The following MMP20 variants were observed in gnomAD, a reference collection of about 807,000 sequenced individuals.
MMP20 encodes matrix metallopeptidase 20, also known as matrix metalloproteinase-20.
In MMP20, 50 loss-of-function variants were observed where a neutral mutation model predicts 51.8. The ratio of observed to expected loss-of-function variants is 0.97; its 90% CI spans 0.77 to 1.22. MMP20 has a LOEUF of 1.22. Ranked by LOEUF, MMP20 falls within the 50% of genes most tolerant of loss-of-function variation. The pLI is 0.00. For synonymous variants in MMP20, 244 were observed against 216.2 expected (o/e 1.13, Z -1.13); for missense variants, 663 against 601.4 (o/e 1.10, Z -1.07).
chr11:102,603,774 G>A (rs139972956), intron 6 of MMP20, among the ~76,000 whole-genome samples: 78 of 152,242 alleles, frequency 5.1e-4, no homozygotes, highest in African/African-American at 1.9e-3. Context: ...TACCCCAGTA[G>A]CTCATTGAAT....
At chr11:102,612,925 C>A (rs542035563) in intron 2 of MMP20, among the ~76,000 whole-genome samples, 2 of 151,840 alleles carry the variant, frequency 1.3e-5, no homozygotes, top group Non-Finnish European at 2.9e-5. Context: ...TTGGTGGAGA[C>A]GGGGTTTCAC....
chr11:102,593,379 A>G, intron 8 of MMP20, 60 bp downstream of exon 8: 1 of 1,573,568 alleles, frequency 6.4e-7, no homozygotes. Flanking sequence ...AAGGGTTTTT[A>G]TCTTTTTAAA....
chr11:102,609,136 A>T (rs1187108681), intron 4 of MMP20, 38 bp from the exon 5 acceptor site: 3 of 1,595,432 alleles, frequency 1.9e-6, no homozygotes, highest in Non-Finnish European at 2.6e-6. Context: ...GTATCAACAC[A>T]GGTTTTTGTT....
intron 2 of MMP20, among the ~76,000 whole-genome samples, chr11:102,614,370 C>A (rs1859640399): frequency 6.6e-6 from 1 of 152,064 alleles, no homozygotes; most frequent in Non-Finnish European, 1.5e-5. Context: ...TATTGGGGAG[C>A]AAGAGTGGAT....
chr11:102,625,267 T>A lies in MMP20; in HGVS notation c.53A>T (p.Lys18Met), dbSNP rs2245803. 3 of 1,613,598 alleles carry A rather than the reference T, an allele frequency of 1.9e-6. No homozygotes were observed. Among genetic ancestry groups the A allele is most frequent in the Non-Finnish European group, 1.7e-6 (2 of 1,179,868 alleles). The part of the protein sequence containing the change: ...GLAVFLIMAL[K>M]FSTAAPSLVA... ...TAGGGAGGGGGCTGCAGTGGAAAAC[T>A]TCAAAGCCATGATGAGGAAGACAGC... Residue 18 changes from lysine to methionine, a missense_variant, in exon 1 of 10, where the codon AAG becomes ATG. Physicochemically the swap from Lys to Met is moderately conservative, Grantham distance 95. Transcript: ENST00000260228.
chr11:102,600,792 G>T (rs1013174224), intron 6 of MMP20, among the ~76,000 whole-genome samples: 2 of 151,956 alleles, frequency 1.3e-5, no homozygotes, highest in African/African-American at 4.8e-5. Flanking sequence ...GGCCCCATTT[G>T]CTCTTTAACC....
chr11:102,597,808 C>A (rs1859400302), intron 6 of MMP20, among the ~76,000 whole-genome samples: 1 of 152,090 alleles, frequency 6.6e-6, no homozygotes, highest in African/African-American at 2.4e-5. Flanking sequence ...ACTCTTGTTG[C>A]CCAGGCTGGA....
intron 7 of MMP20, 117 bp from the exon 8 acceptor site, chr11:102,593,712 C>T: frequency 2.6e-6 from 3 of 1,154,962 alleles, no homozygotes; most frequent in South Asian, 1.3e-5. Flanking sequence ...CTTGCCATGG[C>T]TATAACCCAA....
At position 102,606,562 on chromosome 11, in the gene MMP20, C is replaced by G. The variant is rs1264599522; in HGVS notation, c.926G>C (p.Gly309Ala). The change falls in exon 6 of 10, where the codon GGG (glycine) becomes GCG (alanine). Residue 309 changes from glycine (G) to alanine (A), a missense_variant. Gly to Ala is a moderately conservative substitution (Grantham distance 60, BLOSUM62 0). Transcript: ENST00000260228. ...GTCCTTGAAGAGCAGGAGCTCCTTCCCCAGCATTGTCACAGCGTCAAAGGA... is the reference window on the plus strand; with the variant it reads ...GTCCTTGAAGAGCAGGAGCTCCTTCGCCAGCATTGTCACAGCGTCAAAGGA... The part of the protein sequence containing the change: ...SSSFDAVTML[G>A]KELLLFKDRI... 1 of 1,613,928 alleles carries G rather than the reference C, an allele frequency of 6.2e-7. No homozygotes were observed. The highest frequency in any genetic ancestry group is 8.5e-7 in the Non-Finnish European group (1 of 1,179,890).
At chr11:102,604,017 GGT>G (rs1255154897) in intron 6 of MMP20, among the ~76,000 whole-genome samples, 1 of 107,898 alleles carries the variant, frequency 9.3e-6, no homozygotes, top group Non-Finnish European at 2.2e-5. Context: ...GATAAACAGA[GGT>G]GTTTTTTTTT....
intron 7 of MMP20, among the ~76,000 whole-genome samples, chr11:102,594,063 C>T (rs750220198): frequency 3.9e-5 from 6 of 152,284 alleles, no homozygotes; most frequent in African/African-American, 7.2e-5. Context: ...CACAACGCAC[C>T]TTCAAGGTTT....
At chr11:102,602,115 AATTT>A (rs1859454730) in intron 6 of MMP20, among the ~76,000 whole-genome samples, 1 of 46,132 alleles carries the variant, frequency 2.2e-5, no homozygotes. Flanking sequence ...ACGCCCGGCT[AATTT>A]TTTTTTTTTT....
chr11:102,586,971 T>C lies in MMP20; in HGVS notation c.1247+6468A>G, dbSNP rs117251866. Among the ~76,000 whole-genome samples the C allele has an allele frequency of 6.6e-5, 10 of 152,332 alleles. No homozygotes were observed. The East Asian group carries it at 1.9e-3, about 29-fold the overall frequency. ...ATTTATTTCCATTATAATGTTTATA[T>C]TTCCTTCTTTCTTCTTGCTTTAGGT... On this transcript the variant is annotated intron_variant, in intron 8 of 9. Coordinates refer to ENST00000260228, the MANE Select transcript of MMP20 (RefSeq NM_004771.4).
chr11:102,609,220 T>G, intron 4 of MMP20, 122 bp from the exon 5 acceptor site: 1 of 912,590 alleles, frequency 1.1e-6, no homozygotes, highest in Non-Finnish European at 1.7e-6. Context: ...CCTAACTGGA[T>G]TATTCAAAGG....
chr11:102,578,848 C>T (rs1262519343), intron 9 of MMP20, among the ~76,000 whole-genome samples, 191 bp downstream of exon 9: 1 of 152,084 alleles, frequency 6.6e-6, no homozygotes, highest in African/African-American at 2.4e-5. Context: ...AAAGAGAGAA[C>T]TAAAATACCA....
At chr11:102,613,079 C>A (rs1024983825) in intron 2 of MMP20, among the ~76,000 whole-genome samples, 1 of 152,150 alleles carries the variant, frequency 6.6e-6, no homozygotes, top group African/African-American at 2.4e-5. Flanking sequence ...GCTTTAAAAA[C>A]GGAGGCTCAC....
At chr11:102,603,060 A>G (rs1332714723) in intron 6 of MMP20, among the ~76,000 whole-genome samples, 1 of 152,262 alleles carries the variant, frequency 6.6e-6, no homozygotes, top group African/African-American at 2.4e-5. Context: ...ATTTGAATGT[A>G]CGTTTATACA....
At chr11:102,604,559 T>C (rs1462080241) in intron 6 of MMP20, among the ~76,000 whole-genome samples, 1 of 152,196 alleles carries the variant, frequency 6.6e-6, no homozygotes, top group African/African-American at 2.4e-5. Context: ...TTGCTGGGGA[T>C]CACCTCATCA....
intron 8 of MMP20, among the ~76,000 whole-genome samples, chr11:102,590,178 G>C (rs770496061): frequency 1.3e-5 from 2 of 152,152 alleles, no homozygotes; most frequent in African/African-American, 4.8e-5. Context: ...AGGCAAGGAA[G>C]AATATGTAAA....
Sources: gnomAD v4.1 joint callset for allele counts (sites outside exome capture counted in the v4.1 genomes callset) on GRCh38, gnomAD v4.1.1 for gene constraint, MANE v1.5 for transcripts, NCBI Gene and HGNC (gene_info 2026-07-23, HGNC 2026-07-21) for gene names.